C7orf78: variants seen among roughly 807,000 people sequenced by gnomAD.
C7orf78 encodes putative uncharacterized protein C7orf78.
At chr7:12,522,091 T>A in the C7orf78 span, among the ~76,000 whole-genome samples, 1 of 152,098 alleles carries the variant, frequency 6.6e-6, no homozygotes, top group Non-Finnish European at 1.5e-5. Flanking sequence ...ACTTGCAACT[T>A]TAGCATATTG....
At chr7:12,496,677 T>C in the C7orf78 span, 1 of 152,324 alleles carries the variant, frequency 6.6e-6, no homozygotes, top group East Asian at 1.9e-4. Flanking sequence ...ATAATTTACT[T>C]GAAATCTGGA....
the C7orf78 span, among the ~76,000 whole-genome samples, chr7:12,489,673 C>T: frequency 6.6e-6 from 1 of 152,082 alleles, no homozygotes; most frequent in African/African-American, 2.4e-5. Flanking sequence ...AAGACAAATA[C>T]TATTTGCTGG....
the C7orf78 span, among the ~76,000 whole-genome samples, chr7:12,519,591 A>G: frequency 6.6e-6 from 1 of 152,204 alleles, no homozygotes; most frequent in African/African-American, 2.4e-5. Context: ...ACAATATGTG[A>G]CACAGTTAGA....
chr7:12,498,898 C>A, the C7orf78 span, among the ~76,000 whole-genome samples: 2 of 151,644 alleles, frequency 1.3e-5, no homozygotes, highest in Non-Finnish European at 2.9e-5. Context: ...GGCAGAAACC[C>A]TACAAGCCAG....
the C7orf78 span, among the ~76,000 whole-genome samples, chr7:12,526,816 C>T: frequency 8.5e-6 from 1 of 117,424 alleles, no homozygotes; most frequent in South Asian, 2.7e-4. Context: ...CACTCACTTT[C>T]GTAGAAAATG....
At chr7:12,492,127 G>A in the C7orf78 span, 1 of 152,164 alleles carries the variant, frequency 6.6e-6, no homozygotes, top group Non-Finnish European at 1.5e-5. Context: ...CCCAGGACAA[G>A]TGAGGCACTA....
the C7orf78 span, among the ~76,000 whole-genome samples, chr7:12,508,816 C>A: frequency 6.6e-5 from 10 of 152,104 alleles, no homozygotes; most frequent in Non-Finnish European, 1.5e-4. Flanking sequence ...GGAGCGTGAA[C>A]CCTATTGTGA....
At chr7:12,513,876 TGTA>T in the C7orf78 span, among the ~76,000 whole-genome samples, 1 of 152,084 alleles carries the variant, frequency 6.6e-6, no homozygotes, top group Non-Finnish European at 1.5e-5. Flanking sequence ...GGTGGGTGCC[TGTA>T]GTCCCAGCTA....
chr7:12,518,724 G>A, the C7orf78 span, among the ~76,000 whole-genome samples: 3 of 152,126 alleles, frequency 2.0e-5, no homozygotes, highest in Non-Finnish European at 2.9e-5. Flanking sequence ...GTCCTCAGGC[G>A]CCTGATGGTG....
At chr7:12,486,748 G>A in the C7orf78 span, among the ~76,000 whole-genome samples, 2 of 152,038 alleles carry the variant, frequency 1.3e-5, no homozygotes, top group Admixed American at 6.6e-5. Flanking sequence ...TTCATTCTGT[G>A]TACTTCATTA....
chr7:12,509,880 AAAAATTAGCCGGGCG>A, the C7orf78 span, among the ~76,000 whole-genome samples: 1 of 152,052 alleles, frequency 6.6e-6, no homozygotes, highest in African/African-American at 2.4e-5. Context: ...AGATCAGGAC[AAAAATTAGCCGGGCG>A]TGGTGGCGGG....
the C7orf78 span, among the ~76,000 whole-genome samples, chr7:12,501,611 G>A: frequency 0.27 from 32,129 of 119,674 alleles, 4,774 homozygotes; most frequent in African/African-American, 0.41. Context: ...AACATTCCAT[G>A]CTCATGGGTA....
At chr7:12,498,217 G>T in the C7orf78 span, among the ~76,000 whole-genome samples, 2 of 152,106 alleles carry the variant, frequency 1.3e-5, no homozygotes, top group Non-Finnish European at 2.9e-5. Flanking sequence ...ACCAGCAACG[G>T]AACAAAGCTG....
At chr7:12,488,700 C>G in the C7orf78 span, among the ~76,000 whole-genome samples, 1 of 151,782 alleles carries the variant, frequency 6.6e-6, no homozygotes, top group Non-Finnish European at 1.5e-5. Context: ...CTTGGACATT[C>G]AATGAGGATA....
the C7orf78 span, among the ~76,000 whole-genome samples, chr7:12,492,207 A>T: frequency 2.0e-5 from 3 of 152,116 alleles, no homozygotes; most frequent in African/African-American, 7.2e-5. Flanking sequence ...CTGCGATGGT[A>T]ATACATTTAA....
At chr7:12,497,058 G>A in the C7orf78 span, among the ~76,000 whole-genome samples, 1 of 152,202 alleles carries the variant, frequency 6.6e-6, no homozygotes, top group African/African-American at 2.4e-5. Context: ...TCCAGCCATT[G>A]TGGATCTTTG....
the C7orf78 span, among the ~76,000 whole-genome samples, chr7:12,520,028 G>T: frequency 6.6e-6 from 1 of 152,218 alleles, no homozygotes; most frequent in Non-Finnish European, 1.5e-5. Context: ...TAGGGTTAAT[G>T]TGGGTACAGG....
At chr7:12,488,943 TAAG>T in the C7orf78 span, among the ~76,000 whole-genome samples, 4 of 148,570 alleles carry the variant, frequency 2.7e-5, no homozygotes, top group South Asian at 8.5e-4. Context: ...TTGCTTTGGC[TAAG>T]AAGAGTTTCC....
chr7:12,531,124 T>G, the C7orf78 span: 2 of 398,318 alleles, frequency 5.0e-6, no homozygotes, highest in Admixed American at 8.8e-5. Context: ...TGTTGTTAGA[T>G]ACTTATATTA....
Sources: allele counts gnomAD v4.1 joint callset (sites outside exome capture counted in the v4.1 genomes callset), GRCh38; gene constraint gnomAD v4.1.1; transcripts MANE v1.5; gene names NCBI Gene and HGNC (gene_info 2026-07-23, HGNC 2026-07-21).